The following TMEM260 variants were observed in gnomAD, a reference collection of about 807,000 sequenced individuals.
TMEM260 encodes the protein transmembrane protein 260, also known as protein O-mannosyl-transferase TMEM260.
In TMEM260, 82 loss-of-function variants were observed where a neutral mutation model predicts 88.9. That is an observed-to-expected ratio of 0.92 (90% CI 0.77 to 1.11). The LOEUF is 1.11. Ranked by LOEUF, TMEM260 falls within the 50% of genes least tolerant of loss-of-function variation. The pLI, the probability that TMEM260 is intolerant of heterozygous loss-of-function variation, is 0.00. For synonymous variants in TMEM260, 314 were observed against 309.3 expected (o/e 1.02, Z -0.16); for missense variants, 902 against 853.4 (o/e 1.06, Z -0.71).
intron 4 of TMEM260, among the ~76,000 whole-genome samples, chr14:56,604,772 A>G (rs1308377136): frequency 6.6e-6 from 1 of 152,210 alleles, no homozygotes; most frequent in Admixed American, 6.5e-5. Context: ...TAGTAGGGGA[A>G]AGAAATCAGG....
chr14:56,600,324 TAC>T (rs1038719882), intron 3 of TMEM260, among the ~76,000 whole-genome samples: 6 of 152,294 alleles, frequency 3.9e-5, no homozygotes, highest in South Asian at 4.1e-4. Flanking sequence ...TCAGAATTTT[TAC>T]ACAGTTTTCC....
intron 3 of TMEM260, among the ~76,000 whole-genome samples, chr14:56,597,898 AAGAT>A (rs1314531725): frequency 6.6e-6 from 1 of 152,242 alleles, no homozygotes; most frequent in African/African-American, 2.4e-5. Context: ...GAAAGTCACT[AAGAT>A]AGAGAATACA....
the TMEM260 span, among the ~76,000 whole-genome samples, chr14:56,658,754 A>G: frequency 6.6e-6 from 1 of 151,256 alleles, no homozygotes; most frequent in Non-Finnish European, 1.5e-5. Flanking sequence ...ATTATTAGAC[A>G]AAGTCTCACT....
chr14:56,601,430 T>C (rs1354181019), intron 3 of TMEM260, among the ~76,000 whole-genome samples: 1 of 152,184 alleles, frequency 6.6e-6, no homozygotes, highest in Non-Finnish European at 1.5e-5. Flanking sequence ...TTTGTCCTAT[T>C]ACTAATGCTG....
At chr14:56,620,065 T>G (rs1887821300) in intron 10 of TMEM260, among the ~76,000 whole-genome samples, 1 of 152,118 alleles carries the variant, frequency 6.6e-6, no homozygotes, top group African/African-American at 2.4e-5. Flanking sequence ...ATCTTCTCAC[T>G]TATAAGTGGG....
At chr14:56,635,318 C>T (rs542102876) in intron 14 of TMEM260, among the ~76,000 whole-genome samples, 34 of 152,254 alleles carry the variant, frequency 2.2e-4, no homozygotes, top group Middle Eastern at 3.4e-3. Flanking sequence ...ATTACAACCT[C>T]GCCTCCATTT....
rs1381874324 is a variant in TMEM260, at chr14:56,585,777, G to A, written c.209G>A (p.Gly70Asp). Residue 70 changes from glycine to aspartate, a missense_variant, in exon 3 of 16, where the codon GGC becomes GAC. By Grantham distance (94) the Gly-to-Asp change is moderately conservative. Coordinates refer to ENST00000261556, the MANE Select transcript of TMEM260 (RefSeq NM_017799.4). Reference protein sequence around the residue: ...AHELGVAHPPGYPLFTLVAKL... With the variant: ...AHELGVAHPPDYPLFTLVAKL... ...TTTCCGTAGGTTGCCCATCCTCCTG[G>A]CTATCCTTTGTTCACGCTGGTGGCT... 1 of 1,611,866 alleles carries A rather than the reference G, an allele frequency of 6.2e-7. No homozygotes were observed.
At chr14:56,625,555 C>G in intron 12 of TMEM260, 25 bp downstream of exon 12, 1 of 1,551,414 alleles carries the variant, frequency 6.4e-7, no homozygotes, top group Non-Finnish European at 8.8e-7. Context: ...TATATAATAG[C>G]TTTTCTAAAA....
intron 11 of TMEM260, among the ~76,000 whole-genome samples, chr14:56,622,457 A>G (rs1303269983): frequency 6.6e-6 from 1 of 152,148 alleles, no homozygotes; most frequent in Non-Finnish European, 1.5e-5. Flanking sequence ...TATGAAATAA[A>G]TCATACTGTA....
In TMEM260 at chr14:56,585,825, CT is replaced by C; in HGVS notation, c.261del (p.Phe87LeufsTer18). On this transcript the variant is annotated frameshift_variant, in exon 3 of 16. Coordinates refer to ENST00000261556, the MANE Select transcript of TMEM260 (RefSeq NM_017799.4). LOFTEE classifies it high-confidence loss of function. ...GCTAAACTGGCAATTACACTGTTTC[CT>C]TTTGGTTCAATTGCCTACCGCGTCA... ...LVAKLAITLF[P>X]FGSIAYRVNL... 1 of 1,613,358 alleles carries C rather than the reference CT, an allele frequency of 6.2e-7. No individual in the cohort carries two copies. The highest frequency in any genetic ancestry group is 8.5e-7 in the Non-Finnish European group (1 of 1,179,646).
intron 1 of TMEM260, among the ~76,000 whole-genome samples, chr14:56,583,990 T>TTGTGTGTGTGTGTGTGTGTGTGTG (rs10594077): frequency 1.1e-4 from 16 of 145,944 alleles, no homozygotes; most frequent in African/African-American, 4.1e-4. Context: ...ATCCAGCCTT[T>TTGTGTGTGTGTGTGTGTGTGTGTG]TGTGTGTGTG....
intron 15 of TMEM260, among the ~76,000 whole-genome samples, chr14:56,638,999 TGTCA>T (rs1197605168): frequency 2.0e-5 from 3 of 152,180 alleles, no homozygotes; most frequent in Admixed American, 1.3e-4. Context: ...GTTGATAATG[TGTCA>T]GTAACAAAAT....
intron 15 of TMEM260, among the ~76,000 whole-genome samples, chr14:56,643,702 A>C (rs1338944921): frequency 1.3e-5 from 2 of 152,196 alleles, no homozygotes; most frequent in African/African-American, 2.4e-5. Context: ...TTCGATTAGG[A>C]AAAGAGGAAG....
At chr14:56,643,302 T>G (rs1297923276) in intron 15 of TMEM260, among the ~76,000 whole-genome samples, 1 of 152,160 alleles carries the variant, frequency 6.6e-6, no homozygotes, top group Non-Finnish European at 1.5e-5. Context: ...ATCACAAAGC[T>G]TATCCACCAT....
At chr14:56,610,336 G>C (rs767595603) in intron 6 of TMEM260, among the ~76,000 whole-genome samples, 5 of 152,252 alleles carry the variant, frequency 3.3e-5, no homozygotes, top group Admixed American at 6.5e-5. Flanking sequence ...CGCCTCCCGG[G>C]TTCACGCCAT....
At position 56,618,600 on chromosome 14, in the gene TMEM260, C is replaced by T. The variant is rs774504453; in HGVS notation, c.1063C>T (p.Arg355Ter). Residue 355 changes from arginine to a stop codon, truncating the protein, a stop_gained, in exon 10 of 16, where the codon CGA (arginine) becomes TGA (stop). Transcript: ENST00000261556. LOFTEE classifies it high-confidence loss of function. ...SKPLFMGVVERFWMQSNAVVA... is the reference protein window; with the variant it reads ...SKPLFMGVVE ...TTGCATGTCTCTTTCACAGGTGGAA[C>T]GATTCTGGATGCAGAGCAATGCAGT... The T allele has an allele frequency of 6.2e-6, 10 of 1,613,670 alleles. No individual in the cohort carries two copies. Among genetic ancestry groups the T allele is most frequent in the African/African-American group, 1.3e-5 (1 of 75,006 alleles).
Position 56,639,770 on chromosome 14 carries a change from G to A in TMEM260, c.1869+3172G>A, listed in dbSNP as rs140918819. 3.1e-3 allele frequency among the ~76,000 whole-genome samples: 471 copies of A among 152,268 alleles called. 2 individuals carry two copies. The highest frequency in any genetic ancestry group is 5.6e-3 in the Non-Finnish European group (383 of 68,012). On this transcript the variant is annotated intron_variant, in intron 15 of 15. Coordinates refer to ENST00000261556, the MANE Select transcript of TMEM260 (RefSeq NM_017799.4). The stretch of plus-strand genomic sequence containing the variant: ...GGTGACAGACAGCACCTGGAAAATC[G>A]GGTCACTCCCACCCTAATACTGTGC...
At chr14:56,613,518 T>C (rs1465495246) in intron 7 of TMEM260, 3 of 152,192 alleles carry the variant, frequency 2.0e-5, no homozygotes, top group Admixed American at 6.5e-5. Context: ...TGACTATATT[T>C]TTCTAATATT....
rs1384111262 is a variant in TMEM260, at chr14:56,649,472, T to G, written c.*1975T>G. 3.9e-5 allele frequency: 6 copies of G among 152,072 alleles called. No homozygotes were observed. The East Asian group carries it at 1.2e-3, about 29-fold the overall frequency. 9.4% of individuals were successfully genotyped at this position (152,072 alleles called of 1,614,324 possible). ...TGTAAGATTATGATATTCTCTTTTCTTTAAAAAAAAAAGTACAATAAAATT... is the reference window on the plus strand; with the variant it reads ...TGTAAGATTATGATATTCTCTTTTCGTTAAAAAAAAAAGTACAATAAAATT... On this transcript the variant is annotated 3_prime_UTR_variant, in exon 16 of 16. Transcript: ENST00000261556.
Sources: gnomAD v4.1 joint callset for allele counts (sites outside exome capture counted in the v4.1 genomes callset) on GRCh38, gnomAD v4.1.1 for gene constraint, MANE v1.5 for transcripts, NCBI Gene and HGNC (gene_info 2026-07-23, HGNC 2026-07-21) for gene names.